The following TMBIM4 variants were observed in gnomAD, a reference collection of about 807,000 sequenced individuals.
The protein encoded by TMBIM4 is protein lifeguard 4.
TMBIM4 carries 28 observed loss-of-function variants against 27.7 expected under a neutral mutation model. That is an observed-to-expected ratio of 1.01 (90% confidence interval 0.75 to 1.38). The LOEUF is 1.38. Among genes scored for constraint, TMBIM4 ranks in the 40% most tolerant of loss-of-function variants. TMBIM4 has a pLI of 0.00. For missense variants in TMBIM4, 265 were observed against 277.5 expected, an observed-to-expected ratio of 0.95 and a Z score of 0.32; for synonymous variants, 115 against 113.1, an observed-to-expected ratio of 1.02 and a Z score of -0.11.
chr12:66,152,953 T>C (rs946079988), intron 2 of TMBIM4, among the ~76,000 whole-genome samples: 3 of 152,004 alleles, frequency 2.0e-5, no homozygotes, highest in Non-Finnish European at 2.9e-5. Context: ...GAAAACTTCT[T>C]GGTGAAATTA....
rs1200646325 is a variant in TMBIM4 at position 66,136,876 on chromosome 12, G to A, written c.*1084C>T. Reference sequence around the variant, plus strand: ...TGAGGGAATTTGACAAAATTTCATTGGTTACTGGTACACTGACCTAACATG... The same window carrying A: ...TGAGGGAATTTGACAAAATTTCATTAGTTACTGGTACACTGACCTAACATG... On this transcript the variant is annotated 3_prime_UTR_variant, in exon 7 of 7. Coordinates refer to ENST00000358230, the MANE Select transcript of TMBIM4 (RefSeq NM_016056.4). The A allele has an allele frequency of 6.6e-6, 1 of 152,164 alleles. No individual in the cohort carries two copies. Among genetic ancestry groups the A allele is most frequent in the East Asian group, 1.9e-4 (1 of 5,198 alleles). 9.4% of individuals were successfully genotyped at this position (152,164 alleles called of 1,614,324 possible). A position where few individuals can be genotyped will look rare whatever the true frequency, so the allele number is the denominator to read the frequency against.
chr12:66,160,441 G>A, intron 1 of TMBIM4: 3 of 538,034 alleles, frequency 5.6e-6, no homozygotes, highest in Non-Finnish European at 9.9e-6. Flanking sequence ...CTATTTGAAG[G>A]AATAAAAAAA....
chr12:66,165,784 T>C (rs1357909826), intron 1 of TMBIM4, among the ~76,000 whole-genome samples: 1 of 152,230 alleles, frequency 6.6e-6, no homozygotes, highest in Non-Finnish European at 1.5e-5. Context: ...GGTTGTTTTT[T>C]GTTATTGAAT....
At chr12:66,168,982 T>C (rs1016955818) in intron 1 of TMBIM4, 1 of 227,946 alleles carries the variant, frequency 4.4e-6, no homozygotes, top group Non-Finnish European at 8.5e-6. Context: ...AATTTCAAAA[T>C]TCAATTCCAA....
chr12:66,151,826 G>A lies in TMBIM4; in HGVS notation c.312+445C>T, dbSNP rs566273605. Among the ~76,000 whole-genome samples, 50 of 152,242 alleles carry A rather than the reference G, an allele frequency of 3.3e-4. 1 individual carries two copies. The highest frequency in any genetic ancestry group is 2.6e-3 in the Admixed American group (39 of 15,292). Reference sequence around the variant, plus strand: ...AAATGGTTCTTTAAAAGATCAGAGTGATAAGATAATAACAAAGAAGAGTTA... The same window carrying A: ...AAATGGTTCTTTAAAAGATCAGAGTAATAAGATAATAACAAAGAAGAGTTA... On this transcript the variant is annotated intron_variant, in intron 3 of 6. Transcript: ENST00000358230.
intron 1 of TMBIM4, among the ~76,000 whole-genome samples, chr12:66,168,520 G>T (rs780183619): frequency 6.6e-6 from 1 of 152,202 alleles, no homozygotes; most frequent in African/African-American, 2.4e-5. Context: ...AGGGGTTCTC[G>T]GTATATAGTG....
At chr12:66,160,806 G>A (rs554783755) in intron 1 of TMBIM4, among the ~76,000 whole-genome samples, 54 of 149,686 alleles carry the variant, frequency 3.6e-4, no homozygotes, top group African/African-American at 1.3e-3. Context: ...CGGCGGCCGG[G>A]CAGAGGTGCT....
intron 1 of TMBIM4, among the ~76,000 whole-genome samples, chr12:66,165,435 T>C (rs1053425471): frequency 4.0e-5 from 6 of 151,444 alleles, no homozygotes; most frequent in South Asian, 2.1e-4. Context: ...TTTTTTTTTT[T>C]CAGACACGGT....
chr12:66,144,825 A>T (rs2051725489), intron 5 of TMBIM4: 1 of 152,184 alleles, frequency 6.6e-6, no homozygotes, highest in African/African-American at 2.4e-5. Context: ...ATCTGGTCTC[A>T]GATCTATATA....
At chr12:66,163,178 G>C (rs1426902558) in intron 1 of TMBIM4, among the ~76,000 whole-genome samples, 2 of 152,086 alleles carry the variant, frequency 1.3e-5, no homozygotes, top group Non-Finnish European at 2.9e-5. Flanking sequence ...ATCCTTCCCT[G>C]AGGTGACCCA....
At chr12:66,138,884 C>A in intron 5 of TMBIM4, 115 bp from the exon 6 acceptor site, 1 of 1,315,534 alleles carries the variant, frequency 7.6e-7, no homozygotes, top group Non-Finnish European at 9.8e-7. Context: ...TGAAGAATAA[C>A]TAAAATGTAA....
intron 1 of TMBIM4, among the ~76,000 whole-genome samples, chr12:66,167,544 A>G (rs1246738312): frequency 6.6e-6 from 1 of 152,256 alleles, no homozygotes; most frequent in Non-Finnish European, 1.5e-5. Flanking sequence ...TCAAAACCAA[A>G]AGGACATACC....
intron 1 of TMBIM4, among the ~76,000 whole-genome samples, chr12:66,153,833 T>C (rs2051890904): frequency 6.7e-6 from 1 of 149,736 alleles, no homozygotes; most frequent in Non-Finnish European, 1.5e-5. Flanking sequence ...AGAAAGCATA[T>C]AAACGTTAAG....
Position 66,160,032 on chromosome 12 carries a change from T to C in TMBIM4, c.98-6584A>G, listed in dbSNP as rs1043141830. 1.6e-5 allele frequency: 9 copies of C among 561,040 alleles called. No individual in the cohort carries two copies. The African/African-American group carries it at 1.7e-4, about 11-fold the overall frequency. 34.8% of individuals were successfully genotyped at this position (561,040 alleles called of 1,614,324 possible). ...GGGCCAAAGCCAGCCCACTACCTGG[T>C]TTTGTAACTGAAGTTTTATTGGGAC... On this transcript the variant is annotated intron_variant, in intron 1 of 6. Transcript: ENST00000358230.
chr12:66,169,775 C>T, intron 1 of TMBIM4, 80 bp downstream of exon 1: 1 of 1,172,560 alleles, frequency 8.5e-7, no homozygotes, highest in African/African-American at 1.6e-5. Flanking sequence ...GCCGCTCTCC[C>T]TCGGAAGCCG....
chr12:66,153,267 ATT>A (rs1398616754), intron 2 of TMBIM4, 71 bp downstream of exon 2: 1 of 899,170 alleles, frequency 1.1e-6, no homozygotes, highest in Non-Finnish European at 1.7e-6. Flanking sequence ...AAAAAAGTGG[ATT>A]TTGTTTATAA....
At chr12:66,144,801 C>T (rs187196861) in intron 5 of TMBIM4, 47 of 152,206 alleles carry the variant, frequency 3.1e-4, no homozygotes, top group African/African-American at 9.9e-4. Context: ...CACAGACAGA[C>T]GCACTTCAGA....
At position 66,153,463 on chromosome 12, in the gene TMBIM4, A is replaced by C. The variant is rs2051884966; in HGVS notation, c.98-15T>G. On this transcript the variant is annotated splice_polypyrimidine_tract_variant and intron_variant, in intron 1 of 6. Coordinates refer to ENST00000358230, the MANE Select transcript of TMBIM4 (RefSeq NM_016056.4). ...TCTCAGAAAGGCTAAAAGAGAAAAA[A>C]AATTACATTACTATTTTCTTAACCA... The C allele has an allele frequency of 7.3e-7, 1 of 1,367,578 alleles. No homozygotes were observed. The highest frequency in any genetic ancestry group is 1.5e-5 in the African/African-American group (1 of 68,056). 84.7% of individuals were successfully genotyped at this position (1,367,578 alleles called of 1,614,324 possible). A position where few individuals can be genotyped will look rare whatever the true frequency, so the allele number is the denominator to read the frequency against.
Position 66,136,071 on chromosome 12 carries a change from T to A in TMBIM4, c.*1889A>T, listed in dbSNP as rs370296260. 4 of 15,228 alleles carry A rather than the reference T, an allele frequency of 2.6e-4. No individual in the cohort carries two copies. The highest frequency in any genetic ancestry group is 5.4e-4 in the African/African-American group (1 of 1,840). 0.9% of individuals were successfully genotyped at this position (15,228 alleles called of 1,614,324 possible). A position where few individuals can be genotyped will look rare whatever the true frequency, so the allele number is the denominator to read the frequency against. ...AAGAATTATCAATAAAAAAATAAAT[T>A]AAAAAAAAAAAAAAAAAAAAAAAAA... On this transcript the variant is annotated 3_prime_UTR_variant, in exon 7 of 7. Coordinates refer to ENST00000358230, the MANE Select transcript of TMBIM4 (RefSeq NM_016056.4).
Sources: allele counts gnomAD v4.1 joint callset (sites outside exome capture counted in the v4.1 genomes callset), GRCh38; gene constraint gnomAD v4.1.1; transcripts MANE v1.5; gene names NCBI Gene and HGNC (gene_info 2026-07-23, HGNC 2026-07-21).